NBEA: variants seen among roughly 807,000 people sequenced by gnomAD.
NBEA encodes lysosomal-trafficking regulator 2.
A neutral mutation model predicts 343.4 loss-of-function variants in NBEA; 44 were observed. The ratio of observed to expected loss-of-function variants is 0.13; its 90% CI spans 0.10 to 0.16. The LOEUF is 0.16. Among genes scored for constraint, NBEA ranks in the 10% least tolerant of loss-of-function variants. NBEA has a pLI of 1.00. For synonymous variants in NBEA, 1,175 were observed against 1,238.7 expected (o/e 0.95, Z 1.08); for missense variants, 2,555 against 3,631.3 (o/e 0.70, Z 7.62).
intron 1 of NBEA, among the ~76,000 whole-genome samples, chr13:34,998,722 T>C (rs2061022338): frequency 6.6e-6 from 1 of 152,196 alleles, no homozygotes; most frequent in Admixed American, 6.5e-5. Flanking sequence ...TATCCTGTTC[T>C]TTTTTTCAAG....
At chr13:35,194,747 AACTTTATTACAT>A (rs1396767433) in intron 30 of NBEA, among the ~76,000 whole-genome samples, 1 of 152,060 alleles carries the variant, frequency 6.6e-6, no homozygotes, top group Non-Finnish European at 1.5e-5. Context: ...TTATATGGAG[AACTTTATTACAT>A]TAACCTTTGT....
At chr13:35,447,789 A>G (rs957012391) in intron 39 of NBEA, among the ~76,000 whole-genome samples, 4 of 152,176 alleles carry the variant, frequency 2.6e-5, no homozygotes, top group Admixed American at 1.3e-4. Flanking sequence ...AAAGAGGCCA[A>G]AAAGTGCACT....
chr13:35,486,110 G>A (rs1325156302), intron 41 of NBEA, among the ~76,000 whole-genome samples: 1 of 152,030 alleles, frequency 6.6e-6, no homozygotes, highest in African/African-American at 2.4e-5. Context: ...CCCACTGCTT[G>A]TACAAGCCTA....
At chr13:35,383,174 A>C (rs1345802024) in intron 38 of NBEA, among the ~76,000 whole-genome samples, 1 of 152,134 alleles carries the variant, frequency 6.6e-6, no homozygotes, top group Non-Finnish European at 1.5e-5. Context: ...AATCATCAAA[A>C]CTGCCCATCT....
At chr13:35,496,010 T>C (rs111499686) in intron 41 of NBEA, among the ~76,000 whole-genome samples, 2,041 of 152,102 alleles carry the variant, frequency 0.013, 37 homozygotes, top group African/African-American at 0.032. Context: ...AAGAAGCCTG[T>C]CGTTTATAGC....
At chr13:35,445,548 A>T (rs2045957534) in intron 39 of NBEA, among the ~76,000 whole-genome samples, 1 of 151,820 alleles carries the variant, frequency 6.6e-6, no homozygotes, top group African/African-American at 2.4e-5. Context: ...CAAATCAAAT[A>T]GTCCAACTCT....
At chr13:35,473,144 G>A (rs980092497) in intron 41 of NBEA, among the ~76,000 whole-genome samples, 4 of 152,056 alleles carry the variant, frequency 2.6e-5, no homozygotes, top group African/African-American at 9.7e-5. Context: ...ATACAAATTT[G>A]GACCATTTAA....
intron 34 of NBEA, among the ~76,000 whole-genome samples, chr13:35,245,754 CAG>C (rs2031092547): frequency 6.6e-6 from 1 of 152,140 alleles, no homozygotes; most frequent in African/African-American, 2.4e-5. Flanking sequence ...AACCTGATGA[CAG>C]TGTGCCTAGG....
intron 55 of NBEA, among the ~76,000 whole-genome samples, chr13:35,661,039 A>G (rs538946470): frequency 3.9e-5 from 6 of 152,262 alleles, no homozygotes; most frequent in Admixed American, 2.0e-4. Flanking sequence ...ACACCAGTAG[A>G]CTTTCCAGGG....
chr13:34,993,572 C>T (rs561244576), intron 1 of NBEA, among the ~76,000 whole-genome samples: 16 of 152,264 alleles, frequency 1.1e-4, no homozygotes, highest in East Asian at 1.9e-4. Context: ...GAGACTATCC[C>T]TACCAGTTCC....
At chr13:35,333,440 T>A (rs555206091) in intron 36 of NBEA, among the ~76,000 whole-genome samples, 1 of 152,120 alleles carries the variant, frequency 6.6e-6, no homozygotes, top group Non-Finnish European at 1.5e-5. Context: ...TATATATTTG[T>A]GGGGTACGAG....
At chr13:35,256,291 GTTTC>G (rs2032585634) in intron 34 of NBEA, among the ~76,000 whole-genome samples, 1 of 152,268 alleles carries the variant, frequency 6.6e-6, no homozygotes, top group African/African-American at 2.4e-5. Flanking sequence ...AAAGTGGATA[GTTTC>G]TTTCTGCAGC....
At chr13:35,464,131 T>C (rs1458963402) in intron 40 of NBEA, among the ~76,000 whole-genome samples, 3 of 151,912 alleles carry the variant, frequency 2.0e-5, no homozygotes, top group Non-Finnish European at 2.9e-5. Flanking sequence ...GAAAAAAAAA[T>C]CCGTATATTT....
chr13:35,651,730 A>C, intron 52 of NBEA, 75 bp from the exon 53 acceptor site: 1 of 862,186 alleles, frequency 1.2e-6, no homozygotes, highest in Non-Finnish European at 1.9e-6. Flanking sequence ...AAATCATCAT[A>C]AAACACTACC....
At chr13:35,014,838 T>C (rs1201494722) in intron 1 of NBEA, among the ~76,000 whole-genome samples, 2 of 151,868 alleles carry the variant, frequency 1.3e-5, no homozygotes, top group Non-Finnish European at 2.9e-5. Flanking sequence ...GCAGTCCCGC[T>C]GCCAGCACTG....
intron 34 of NBEA, among the ~76,000 whole-genome samples, chr13:35,271,118 C>A (rs796963658): frequency 3.2e-4 from 48 of 152,108 alleles, no homozygotes; most frequent in African/African-American, 1.1e-3. Context: ...ACACCTCATA[C>A]AGGTGGATGC....
chr13:35,018,090 A>G lies in NBEA; in HGVS notation c.295-22843A>G, dbSNP rs144750463. Among the ~76,000 whole-genome samples the G allele has an allele frequency of 5.5e-3, 840 of 151,988 alleles. 5 individuals carry two copies. Among genetic ancestry groups the G allele is most frequent in the African/African-American group, 0.019 (802 of 41,464 alleles). ...TGGGTTTATTTTTGGACTTTCTATT[A>G]TGTTCTGTTAATGTGTATGTCTATT... On this transcript the variant is annotated intron_variant, in intron 1 of 58. Transcript: ENST00000379939.
At chr13:35,397,337 C>G (rs2042792737) in intron 38 of NBEA, among the ~76,000 whole-genome samples, 1 of 152,188 alleles carries the variant, frequency 6.6e-6, no homozygotes, top group African/African-American at 2.4e-5. Flanking sequence ...ATTGAGCTGT[C>G]AGCTCATATG....
At chr13:35,173,056 G>A (rs1445546614) in intron 26 of NBEA, among the ~76,000 whole-genome samples, 1 of 152,010 alleles carries the variant, frequency 6.6e-6, no homozygotes, top group African/African-American at 2.4e-5. Flanking sequence ...CAGTAGAGTC[G>A]ACAAGATAGT....
Sources: allele counts gnomAD v4.1 joint callset (sites outside exome capture counted in the v4.1 genomes callset), GRCh38; gene constraint gnomAD v4.1.1; transcripts MANE v1.5; gene names NCBI Gene and HGNC (gene_info 2026-07-23, HGNC 2026-07-21).